SDK1: variants seen among roughly 807,000 people sequenced by gnomAD.
SDK1 encodes sidekick cell adhesion molecule 1, also known as protein sidekick-1.
A neutral mutation model predicts 245.5 loss-of-function variants in SDK1; 157 were observed. The ratio of observed to expected loss-of-function variants is 0.64; its 90% CI spans 0.56 to 0.73. The LOEUF is 0.73. Among genes scored for constraint, SDK1 ranks in the 30% least tolerant of loss-of-function variants. The pLI is 0.00. For missense variants in SDK1, 3,583 were observed against 3,002.3 expected (o/e 1.19, Z -4.52); for synonymous variants, 1,647 against 1,278.5 (o/e 1.29, Z -6.15).
chr7:4,116,777 G>A (rs780597152), intron 25 of SDK1, among the ~76,000 whole-genome samples: 14 of 152,240 alleles, frequency 9.2e-5, no homozygotes, highest in Non-Finnish European at 1.8e-4. Flanking sequence ...CTGTTAGGGC[G>A]TGGCGTGAAC....
chr7:3,944,462 A>T (rs1780497733), intron 5 of SDK1, among the ~76,000 whole-genome samples: 2 of 152,224 alleles, frequency 1.3e-5, no homozygotes, highest in African/African-American at 4.8e-5. Context: ...GTTGAAGTAG[A>T]AGGTAATAGT....
At chr7:3,400,986 G>A (rs1778873671) in intron 1 of SDK1, among the ~76,000 whole-genome samples, 1 of 152,022 alleles carries the variant, frequency 6.6e-6, no homozygotes, top group Admixed American at 6.6e-5. Flanking sequence ...AGAAGGGAAG[G>A]GACAGCAGCC....
intron 5 of SDK1, among the ~76,000 whole-genome samples, chr7:3,949,115 G>A (rs949221470): frequency 3.9e-5 from 6 of 152,142 alleles, no homozygotes; most frequent in African/African-American, 9.7e-5. Context: ...ATTTTACAAA[G>A]CGAAGGCGTC....
chr7:3,562,191 C>A (rs1000543750), intron 1 of SDK1, among the ~76,000 whole-genome samples: 1 of 152,180 alleles, frequency 6.6e-6, no homozygotes, highest in Admixed American at 6.5e-5. Context: ...CTTCCAAGTG[C>A]AAGACAGACT....
intron 1 of SDK1, among the ~76,000 whole-genome samples, chr7:3,396,207 T>G (rs28875559): frequency 6.6e-6 from 1 of 151,860 alleles, no homozygotes; most frequent in Non-Finnish European, 1.5e-5. Flanking sequence ...TTTAAAAAAA[T>G]TTTTCTTTGA....
intron 44 of SDK1, among the ~76,000 whole-genome samples, chr7:4,247,322 T>C (rs1426556584): frequency 6.6e-6 from 1 of 152,152 alleles, no homozygotes; most frequent in East Asian, 1.9e-4. Flanking sequence ...GTGTTCTGTT[T>C]ACAGAGGATG....
chr7:3,991,233 G>A (rs1168317177), intron 14 of SDK1, among the ~76,000 whole-genome samples: 1 of 152,186 alleles, frequency 6.6e-6, no homozygotes, highest in Non-Finnish European at 1.5e-5. Context: ...CAGGCCCCCA[G>A]GCTCAGTGGG....
chr7:3,825,943 T>A (rs1455391990), intron 5 of SDK1, among the ~76,000 whole-genome samples: 1 of 152,212 alleles, frequency 6.6e-6, no homozygotes, highest in Non-Finnish European at 1.5e-5. Context: ...ACATCACAAA[T>A]GAGCAATTTA....
Position 3,642,118 on chromosome 7 carries a change from A to T in SDK1, c.713+13A>T. 1 of 1,612,860 alleles carries T rather than the reference A, an allele frequency of 6.2e-7. No individual in the cohort carries two copies. Among genetic ancestry groups the T allele is most frequent in the South Asian group, 1.1e-5 (1 of 90,992 alleles). On this transcript the variant is annotated intron_variant, in intron 4 of 44. Transcript: ENST00000404826. ...CAAGCAACAGAATGTAAGTTGCTCC[A>T]AACGTTAAAGCTTCAAATACAATTG...
intron 5 of SDK1, among the ~76,000 whole-genome samples, chr7:3,900,337 G>C (rs1180159043): frequency 2.0e-5 from 3 of 152,176 alleles, no homozygotes; most frequent in Admixed American, 6.5e-5. Flanking sequence ...GCCTGAACAG[G>C]CTTCAATTTC....
intron 4 of SDK1, among the ~76,000 whole-genome samples, chr7:3,775,197 G>A (rs1168347621): frequency 6.6e-6 from 1 of 152,178 alleles, no homozygotes; most frequent in Non-Finnish European, 1.5e-5. Flanking sequence ...TAGAAGCTTA[G>A]AAATAGTTTA....
At chr7:3,654,205 T>C (rs1165113891) in intron 4 of SDK1, among the ~76,000 whole-genome samples, 1 of 152,170 alleles carries the variant, frequency 6.6e-6, no homozygotes, top group Non-Finnish European at 1.5e-5. Flanking sequence ...TTGTAAAATC[T>C]AGAAAGTTCT....
At chr7:3,567,757 T>C (rs1384587180) in intron 1 of SDK1, among the ~76,000 whole-genome samples, 1 of 152,238 alleles carries the variant, frequency 6.6e-6, no homozygotes, top group Non-Finnish European at 1.5e-5. Flanking sequence ...CTTTGATGGC[T>C]GCATAACATT....
At chr7:3,517,988 G>A (rs940894207) in intron 1 of SDK1, among the ~76,000 whole-genome samples, 2 of 152,062 alleles carry the variant, frequency 1.3e-5, no homozygotes, top group African/African-American at 4.8e-5. Flanking sequence ...CTCTTTAGTG[G>A]AGAAGCTTAC....
intron 22 of SDK1, among the ~76,000 whole-genome samples, chr7:4,090,769 C>T (rs571753490): frequency 6.6e-4 from 101 of 152,308 alleles, no homozygotes; most frequent in Admixed American, 1.9e-3. Context: ...CATCACTGCT[C>T]CCAGCTAGGA....
chr7:4,251,647 C>G (rs1291209496), intron 44 of SDK1, among the ~76,000 whole-genome samples: 1 of 152,176 alleles, frequency 6.6e-6, no homozygotes, highest in African/African-American at 2.4e-5. Context: ...TGGCATAAAC[C>G]ATATTATTTG....
intron 4 of SDK1, among the ~76,000 whole-genome samples, chr7:3,693,128 G>C (rs754834975): frequency 2.0e-5 from 3 of 151,638 alleles, no homozygotes; most frequent in Admixed American, 1.3e-4. Context: ...ATTTCTTAAC[G>C]ATATTAATAA....
intron 4 of SDK1, among the ~76,000 whole-genome samples, chr7:3,692,473 A>G (rs763393745): frequency 1.8e-4 from 27 of 152,148 alleles, no homozygotes; most frequent in Non-Finnish European, 3.5e-4. Context: ...CTTATATTAC[A>G]TATTTTTCAA....
chr7:3,908,983 C>T (rs558020782), intron 5 of SDK1, among the ~76,000 whole-genome samples: 13 of 152,188 alleles, frequency 8.5e-5, no homozygotes, highest in African/African-American at 3.1e-4. Context: ...GGTGAGCCTG[C>T]CCCGGATGGC....
Sources: allele counts gnomAD v4.1 joint callset (sites outside exome capture counted in the v4.1 genomes callset), GRCh38; gene constraint gnomAD v4.1.1; transcripts MANE v1.5; gene names NCBI Gene and HGNC (gene_info 2026-07-23, HGNC 2026-07-21).